Variants in TAF4 observed in about 807,000 individuals in gnomAD.
TAF4 encodes transcription initiation factor TFIID subunit 4.
Under a neutral mutation model 90.3 loss-of-function variants are expected in TAF4, and 9 were observed. The ratio of observed to expected loss-of-function variants is 0.10; its 90% CI spans 0.06 to 0.17. The LOEUF is 0.17. Ranked by LOEUF, TAF4 falls within the 10% of genes least tolerant of loss-of-function variation. The probability of loss-of-function intolerance (pLI) is 1.00; values close to 1 mark genes in which losing one functional copy is unlikely to be tolerated. For synonymous variants in TAF4, 818 were observed against 638.9 expected, an observed-to-expected ratio of 1.28 and a Z score of -4.23; for missense variants, 1,351 against 1,370.7, an observed-to-expected ratio of 0.99 and a Z score of 0.23.
At chr20:61,996,962 G>C (rs1000752939) in intron 14 of TAF4, among the ~76,000 whole-genome samples, 7 of 152,084 alleles carry the variant, frequency 4.6e-5, no homozygotes, top group African/African-American at 1.7e-4. Flanking sequence ...AAGGAATGAA[G>C]AGTACCGGAG....
chr20:62,033,692 G>T (rs752909448), intron 1 of TAF4, among the ~76,000 whole-genome samples: 1 of 150,574 alleles, frequency 6.6e-6, no homozygotes, highest in Non-Finnish European at 1.5e-5. Flanking sequence ...AGATGAGATT[G>T]TGCTATTGCA....
intron 14 of TAF4, among the ~76,000 whole-genome samples, chr20:61,985,537 C>T (rs969196056): frequency 6.6e-6 from 1 of 151,996 alleles, no homozygotes; most frequent in Admixed American, 6.6e-5. Context: ...AAGGGCCGCA[C>T]AGAAATGCTA....
intron 1 of TAF4, among the ~76,000 whole-genome samples, chr20:62,016,688 C>T (rs748594026): frequency 1.3e-5 from 2 of 152,206 alleles, no homozygotes; most frequent in Non-Finnish European, 2.9e-5. Flanking sequence ...AGGGACTTCA[C>T]CTTGTGATCC....
chr20:62,064,481 TC>T lies in TAF4; in HGVS notation c.1329del (p.Thr444ProfsTer23). 1 of 1,499,638 alleles carries T rather than the reference TC, an allele frequency of 6.7e-7. No homozygotes were observed. Among genetic ancestry groups the T allele is most frequent in the Admixed American group, 2.3e-5 (1 of 43,954 alleles). The allele number at this position is 1,499,638 out of a possible 1,614,324, so 92.9% of individuals were successfully genotyped here. ...GGCAGCTGGAAGTTCTGGATGTTGG[TC>T]GGGTTCTGAGGCGGCTGCGGCAAGC... ...APRLPQPPQN[P>X]TNIQNFQLPP... On this transcript the variant is annotated frameshift_variant, in exon 1 of 15. Transcript: ENST00000252996. LOFTEE classifies it high-confidence loss of function.
chr20:62,023,731 G>C (rs571164471), intron 1 of TAF4, among the ~76,000 whole-genome samples: 1 of 102,052 alleles, frequency 9.8e-6, no homozygotes, highest in Non-Finnish European at 1.8e-5. Flanking sequence ...CTGGGCAACA[G>C]AGCAAGACTC....
rs2056120723 is a variant in TAF4, at chr20:62,065,225, G to C, written c.586C>G (p.Gln196Glu). The change falls in exon 1 of 15, where the codon CAA becomes GAA. Residue 196 changes from glutamine (Q) to glutamate (E), a missense_variant. By Grantham distance (29) the Gln-to-Glu change is conservative. Coordinates refer to ENST00000252996, the MANE Select transcript of TAF4 (RefSeq NM_003185.4). ...PGKPAGPGAA[Q>E]TLNGSAALLN... The stretch of plus-strand genomic sequence containing the variant: ...AGCGCGGCGCTCCCATTCAAAGTTT[G>C]CGCGGCGCCGGGGCCGGCGGGCTTG... The C allele has an allele frequency of 5.3e-6, 6 of 1,140,154 alleles. No individual in the cohort carries two copies. The highest frequency in any genetic ancestry group is 6.6e-6 in the Non-Finnish European group (6 of 911,042). 70.6% of individuals were successfully genotyped at this position (1,140,154 alleles called of 1,614,324 possible).
intron 14 of TAF4, chr20:61,981,028 G>C (rs1048095187): frequency 2.6e-5 from 4 of 152,558 alleles, no homozygotes; most frequent in Non-Finnish European, 4.4e-5. Context: ...GGAGCCCTTT[G>C]GCCACTGGGT....
intron 1 of TAF4, among the ~76,000 whole-genome samples, chr20:62,043,821 G>C (rs6061980): frequency 6.6e-6 from 1 of 152,056 alleles, no homozygotes; most frequent in Non-Finnish European, 1.5e-5. Flanking sequence ...CTCGCACAAC[G>C]ATGACATTGC....
chr20:62,017,475 A>G (rs1182890374), intron 1 of TAF4, among the ~76,000 whole-genome samples: 1 of 147,996 alleles, frequency 6.8e-6, no homozygotes, highest in Admixed American at 6.7e-5. Context: ...CATCTCTACT[A>G]AAAATACAAA....
intron 14 of TAF4, among the ~76,000 whole-genome samples, chr20:61,989,731 C>A (rs536023635): frequency 6.6e-6 from 1 of 151,346 alleles, no homozygotes; most frequent in Non-Finnish European, 1.5e-5. Flanking sequence ...CCGGCACCCA[C>A]AGCACTGCAG....
chr20:62,024,527 T>C (rs1279609762), intron 1 of TAF4, among the ~76,000 whole-genome samples: 3 of 152,182 alleles, frequency 2.0e-5, no homozygotes, highest in Non-Finnish European at 4.4e-5. Flanking sequence ...ATCCATCTAA[T>C]AAAGGGCTTG....
At chr20:62,039,066 C>CA (rs2055949641) in intron 1 of TAF4, among the ~76,000 whole-genome samples, 1 of 152,072 alleles carries the variant, frequency 6.6e-6, no homozygotes, top group Non-Finnish European at 1.5e-5. Context: ...TCAAAACAAA[C>CA]AAAAAGCTAT....
At chr20:62,032,947 T>C (rs1158446905) in intron 1 of TAF4, among the ~76,000 whole-genome samples, 1 of 152,168 alleles carries the variant, frequency 6.6e-6, no homozygotes, top group Non-Finnish European at 1.5e-5. Flanking sequence ...CCAGCAGATC[T>C]TCTTGGCCTC....
chr20:62,054,878 C>T (rs569547441), intron 1 of TAF4, among the ~76,000 whole-genome samples: 1 of 152,210 alleles, frequency 6.6e-6, no homozygotes, highest in South Asian at 2.1e-4. Flanking sequence ...GCTCCTGCCT[C>T]CCACCAGCCA....
intron 10 of TAF4, 122 bp from the exon 11 acceptor site, chr20:62,000,376 G>A: frequency 6.9e-7 from 1 of 1,454,592 alleles, no homozygotes; most frequent in South Asian, 1.4e-5. Flanking sequence ...AGAAAGGCTG[G>A]TGGGGTGGAA....
At chr20:62,024,918 G>C (rs1167033188) in intron 1 of TAF4, among the ~76,000 whole-genome samples, 1 of 151,876 alleles carries the variant, frequency 6.6e-6, no homozygotes, top group African/African-American at 2.4e-5. Flanking sequence ...GCCAAAGGTG[G>C]CAGACGGATG....
chr20:61,975,955 G>C lies in TAF4; in HGVS notation c.*213C>G. On this transcript the variant is annotated 3_prime_UTR_variant, in exon 15 of 15. Coordinates refer to ENST00000252996, the MANE Select transcript of TAF4 (RefSeq NM_003185.4). ...AGGCCACTCAATCAAGATGAGTTAA[G>C]ATTTAATTGTCCTTTAAGAGTATCC... 1.8e-6 allele frequency: 1 copy of C among 554,204 alleles called. No homozygotes were observed. The highest frequency in any genetic ancestry group is 3.2e-6 in the Non-Finnish European group (1 of 316,352). The allele number at this position is 554,204 out of a possible 1,614,324, so 34.3% of individuals were successfully genotyped here.
At chr20:62,052,383 C>T (rs2056034112) in intron 1 of TAF4, among the ~76,000 whole-genome samples, 1 of 152,108 alleles carries the variant, frequency 6.6e-6, no homozygotes, top group African/African-American at 2.4e-5. Context: ...TTGACCCCCT[C>T]ACCACAGTCA....
intron 1 of TAF4, among the ~76,000 whole-genome samples, chr20:62,031,723 C>T (rs1166413973): frequency 2.6e-5 from 4 of 152,088 alleles, no homozygotes; most frequent in East Asian, 3.9e-4. Context: ...TCTTAGTCAC[C>T]GTAAGTTCTT....
Sources: gnomAD v4.1 joint callset for allele counts (sites outside exome capture counted in the v4.1 genomes callset) on GRCh38, gnomAD v4.1.1 for gene constraint, MANE v1.5 for transcripts, NCBI Gene and HGNC (gene_info 2026-07-23, HGNC 2026-07-21) for gene names.